DCLK2: variants seen among roughly 807,000 people sequenced by gnomAD.
DCLK2 encodes the protein doublecortin like kinase 2, also known as serine/threonine-protein kinase DCLK2.
In DCLK2, 31 loss-of-function variants were observed where a neutral mutation model predicts 78.4. That is an observed-to-expected ratio of 0.40 (90% confidence interval 0.30 to 0.53). The LOEUF (loss-of-function observed/expected upper bound fraction) is 0.53, where lower values mean the gene tolerates loss of function less well. DCLK2 is among the 20% of genes least tolerant of loss of function. The probability of loss-of-function intolerance (pLI) is 0.61; values close to 1 mark genes in which losing one functional copy is unlikely to be tolerated. For synonymous variants in DCLK2, 407 were observed against 374.9 expected (o/e 1.09, Z -0.99); for missense variants, 872 against 973.7 (o/e 0.90, Z 1.39).
chr4:150,165,815 G>A (rs1736020475), intron 2 of DCLK2, among the ~76,000 whole-genome samples: 2 of 152,230 alleles, frequency 1.3e-5, no homozygotes, highest in Non-Finnish European at 2.9e-5. Flanking sequence ...CAACAGTGTT[G>A]AAAGGTAGAG....
At chr4:150,157,242 C>A (rs1735354954) in intron 2 of DCLK2, among the ~76,000 whole-genome samples, 1 of 145,792 alleles carries the variant, frequency 6.9e-6, no homozygotes. Context: ...TACTAAAAAT[C>A]TTTTTAAAAT....
At chr4:150,096,712 G>A (rs1405634271) in intron 1 of DCLK2, among the ~76,000 whole-genome samples, 1 of 152,212 alleles carries the variant, frequency 6.6e-6, no homozygotes, top group Non-Finnish European at 1.5e-5. Context: ...GACAGAAAAT[G>A]TGCTTTGCAT....
intron 2 of DCLK2, among the ~76,000 whole-genome samples, chr4:150,118,068 T>A (rs1732234363): frequency 6.6e-6 from 1 of 152,094 alleles, no homozygotes; most frequent in Admixed American, 6.5e-5. Flanking sequence ...GGAGCTAGGA[T>A]TCATCCCCAG....
chr4:150,091,552 G>C (rs921715425), intron 1 of DCLK2, among the ~76,000 whole-genome samples: 4 of 152,154 alleles, frequency 2.6e-5, no homozygotes, highest in Admixed American at 1.3e-4. Context: ...CGTAGTCTCA[G>C]TGTCCAAATT....
Position 150,232,839 on chromosome 4 carries a change from C to T in DCLK2, c.1566+11C>T. Reference sequence around the variant, plus strand: ...CCAGAGAATCTCTTGGTATGTCATCCCTGCTTTTTCTGTTCCAATGAATGC... The same window carrying T: ...CCAGAGAATCTCTTGGTATGTCATCTCTGCTTTTTCTGTTCCAATGAATGC... On this transcript the variant is annotated intron_variant, in intron 10 of 15. Coordinates refer to ENST00000296550, the MANE Select transcript of DCLK2 (RefSeq NM_001040260.4). The T allele has an allele frequency of 6.2e-7, 1 of 1,605,874 alleles. No individual in the cohort carries two copies. Among genetic ancestry groups the T allele is most frequent in the Non-Finnish European group, 8.5e-7 (1 of 1,175,234 alleles).
At chr4:150,245,622 GT>G (rs1007653452) in intron 12 of DCLK2, among the ~76,000 whole-genome samples, 92 of 152,134 alleles carry the variant, frequency 6.0e-4, no homozygotes, top group Admixed American at 1.1e-3. Flanking sequence ...GTGGTGTTTG[GT>G]TTTTTGTCCT....
chr4:150,253,963 A>T, intron 15 of DCLK2: 1 of 943,460 alleles, frequency 1.1e-6, no homozygotes, highest in Non-Finnish European at 1.3e-6. Context: ...AGCCTTTGGG[A>T]TAAGAGAAGA....
intron 2 of DCLK2, among the ~76,000 whole-genome samples, chr4:150,169,697 TG>T (rs1415269955): frequency 2.4e-4 from 37 of 151,798 alleles, no homozygotes; most frequent in African/African-American, 8.7e-4. Context: ...AGCTCTACTC[TG>T]CAGTGTGGGC....
chr4:150,201,997 C>T (rs535779369), intron 4 of DCLK2, among the ~76,000 whole-genome samples: 3 of 152,120 alleles, frequency 2.0e-5, no homozygotes, highest in African/African-American at 7.2e-5. Context: ...TGCAGACTTG[C>T]GTTGACTTCT....
chr4:150,088,395 C>CT (rs5862904), intron 1 of DCLK2, among the ~76,000 whole-genome samples: 43 of 146,916 alleles, frequency 2.9e-4, no homozygotes, highest in East Asian at 6.0e-4. Flanking sequence ...TGGTCCTCAG[C>CT]TTTTTTTTTT....
intron 2 of DCLK2, among the ~76,000 whole-genome samples, chr4:150,132,291 C>T (rs1250126465): frequency 6.6e-6 from 1 of 152,204 alleles, no homozygotes; most frequent in Non-Finnish European, 1.5e-5. Context: ...CTTCTGCTAG[C>T]ATTCAAGTGC....
chr4:150,143,992 G>T (rs1233995190), intron 2 of DCLK2, among the ~76,000 whole-genome samples: 1 of 151,928 alleles, frequency 6.6e-6, no homozygotes, highest in Admixed American at 6.5e-5. Flanking sequence ...TCTGTAGGTT[G>T]GCTGTTTACT....
chr4:150,157,712 C>T (rs1442999969), intron 2 of DCLK2, among the ~76,000 whole-genome samples: 1 of 152,096 alleles, frequency 6.6e-6, no homozygotes, highest in African/African-American at 2.4e-5. Context: ...CGGGTTTCAC[C>T]ACGTTGGCCA....
At chr4:150,168,195 T>A (rs1335779820) in intron 2 of DCLK2, among the ~76,000 whole-genome samples, 1 of 151,860 alleles carries the variant, frequency 6.6e-6, no homozygotes, top group East Asian at 1.9e-4. Flanking sequence ...TACAAAAAAT[T>A]AGCTGGGCGT....
At chr4:150,169,819 T>TGACA (rs1235846238) in intron 2 of DCLK2, among the ~76,000 whole-genome samples, 2 of 152,242 alleles carry the variant, frequency 1.3e-5, no homozygotes, top group African/African-American at 4.8e-5. Flanking sequence ...GGCCTGTGAT[T>TGACA]GACAGACAGC....
rs1439871465 is a variant in DCLK2, at chr4:150,237,443, G to A, written c.1567-2299G>A. Among the ~76,000 whole-genome samples, 6 of 152,130 alleles carry A rather than the reference G, an allele frequency of 3.9e-5. No individual in the cohort carries two copies. In the East Asian group the frequency reaches 1.2e-3, roughly 29 times the overall value. On this transcript the variant is annotated intron_variant, in intron 10 of 15. Transcript: ENST00000296550. The stretch of plus-strand genomic sequence containing the variant: ...CAAAATCCTCATCATTACTCCTGTG[G>A]AACTTTAAAGTCATAAAGATATGTG...
At chr4:150,221,550 G>T (rs527948845) in intron 6 of DCLK2, 127 bp from the exon 7 acceptor site, 5 of 587,982 alleles carry the variant, frequency 8.5e-6, no homozygotes, top group Admixed American at 7.9e-5. Context: ...AATGTGTGCA[G>T]ATATTTTATT....
chr4:150,110,600 A>C (rs1731611085), intron 2 of DCLK2, among the ~76,000 whole-genome samples: 1 of 152,000 alleles, frequency 6.6e-6, no homozygotes. Context: ...TGTACATTGT[A>C]CCCAATATGT....
At chr4:150,186,832 G>T (rs976609982) in intron 2 of DCLK2, among the ~76,000 whole-genome samples, 22 of 152,164 alleles carry the variant, frequency 1.4e-4, no homozygotes, top group African/African-American at 5.3e-4. Flanking sequence ...GGTTGAGGCT[G>T]CAGTGAGCTG....
Sources: gnomAD v4.1 joint callset for allele counts (sites outside exome capture counted in the v4.1 genomes callset) on GRCh38, gnomAD v4.1.1 for gene constraint, MANE v1.5 for transcripts, NCBI Gene and HGNC (gene_info 2026-07-23, HGNC 2026-07-21) for gene names.